Variants in GLIS3 observed in about 807,000 individuals in gnomAD.
GLIS3 encodes GLIS family zinc finger 3, also known as zinc finger protein GLIS3.
Under a neutral mutation model 78.6 loss-of-function variants are expected in GLIS3, and 53 were observed. The ratio of observed to expected loss-of-function variants is 0.67; its 90% CI spans 0.54 to 0.85. The LOEUF (loss-of-function observed/expected upper bound fraction) is 0.85. Ranked by LOEUF, GLIS3 falls within the 40% of genes least tolerant of loss-of-function variation. The pLI is 0.00. For missense variants in GLIS3, 1,703 were observed against 1,231.1 expected (o/e 1.38, Z -5.74); for synonymous variants, 684 against 509.9 (o/e 1.34, Z -4.60).
intron 2 of GLIS3, among the ~76,000 whole-genome samples, chr9:4,233,391 G>A (rs556750181): frequency 1.3e-5 from 2 of 152,202 alleles, no homozygotes; most frequent in African/African-American, 4.8e-5. Flanking sequence ...GGGATGTTGT[G>A]TTACCAATCA....
At chr9:4,354,097 A>G in the GLIS3 span, among the ~76,000 whole-genome samples, 4 of 151,866 alleles carry the variant, frequency 2.6e-5, no homozygotes, top group East Asian at 7.7e-4. Flanking sequence ...CAGCCTCCCA[A>G]AGCGCTGGGA....
intron 4 of GLIS3, among the ~76,000 whole-genome samples, chr9:3,942,923 G>A (rs1197776883): frequency 1.3e-5 from 2 of 151,586 alleles, no homozygotes; most frequent in Non-Finnish European, 2.9e-5. Context: ...AGAAAGGAAA[G>A]AACTAAACTG....
chr9:4,294,280 G>A (rs1816283806), intron 1 of GLIS3, among the ~76,000 whole-genome samples: 1 of 152,164 alleles, frequency 6.6e-6, no homozygotes. Context: ...AGGCCAAGGT[G>A]GGTGGATCAC....
At chr9:4,204,322 T>G (rs554416245) in intron 2 of GLIS3, among the ~76,000 whole-genome samples, 1 of 152,188 alleles carries the variant, frequency 6.6e-6, no homozygotes, top group Non-Finnish European at 1.5e-5. Context: ...ATATTTGGCT[T>G]TGGTTTTTGT....
At chr9:4,433,564 T>G in the GLIS3 span, among the ~76,000 whole-genome samples, 2 of 152,216 alleles carry the variant, frequency 1.3e-5, no homozygotes, top group African/African-American at 2.4e-5. Flanking sequence ...TGGACTCCGT[T>G]TTTTGCCAAC....
intron 4 of GLIS3, among the ~76,000 whole-genome samples, chr9:3,949,842 C>A (rs1375012121): frequency 6.6e-6 from 1 of 152,084 alleles, no homozygotes; most frequent in Non-Finnish European, 1.5e-5. Flanking sequence ...TGCTATTTTC[C>A]GTTGGTGGAT....
At chr9:4,128,440 C>G (rs909406919) in intron 2 of GLIS3, among the ~76,000 whole-genome samples, 1 of 152,182 alleles carries the variant, frequency 6.6e-6, no homozygotes, top group Non-Finnish European at 1.5e-5. Flanking sequence ...TAGCACCTAA[C>G]CTAGGGTCTA....
intron 2 of GLIS3, among the ~76,000 whole-genome samples, chr9:4,186,333 C>G (rs540200495): frequency 8.6e-5 from 13 of 151,836 alleles, no homozygotes; most frequent in Admixed American, 1.3e-4. Flanking sequence ...TGAACTCATC[C>G]TTTTTTATGG....
chr9:4,412,098 A>C, the GLIS3 span, among the ~76,000 whole-genome samples: 1 of 152,180 alleles, frequency 6.6e-6, no homozygotes, highest in Admixed American at 6.5e-5. Flanking sequence ...TGAGTTTCTG[A>C]AAATGTCTTG....
chr9:3,944,309 C>T (rs1001524159), intron 4 of GLIS3, among the ~76,000 whole-genome samples: 8 of 152,234 alleles, frequency 5.3e-5, no homozygotes, highest in Non-Finnish European at 8.8e-5. Flanking sequence ...TTGTAACAAT[C>T]GAAAGGTTCT....
chr9:3,865,363 C>T (rs183346633), intron 8 of GLIS3, among the ~76,000 whole-genome samples: 16 of 152,144 alleles, frequency 1.1e-4, no homozygotes, highest in Admixed American at 7.2e-4. Flanking sequence ...TTCTAGATCG[C>T]GCCTTTAAAA....
At chr9:4,467,784 G>T in the GLIS3 span, among the ~76,000 whole-genome samples, 1 of 152,182 alleles carries the variant, frequency 6.6e-6, no homozygotes, top group African/African-American at 2.4e-5. Flanking sequence ...GATGGAGAAC[G>T]ACTCTGACGA....
intron 2 of GLIS3, among the ~76,000 whole-genome samples, chr9:4,231,785 T>C (rs1822274732): frequency 6.6e-6 from 1 of 152,200 alleles, no homozygotes; most frequent in Non-Finnish European, 1.5e-5. Context: ...GATCAAAATT[T>C]TTACCAATGT....
At chr9:3,950,806 T>C (rs1816626570) in intron 4 of GLIS3, among the ~76,000 whole-genome samples, 1 of 152,200 alleles carries the variant, frequency 6.6e-6, no homozygotes, top group Non-Finnish European at 1.5e-5. Flanking sequence ...GACAAGTGAC[T>C]TGTTAAAAAT....
chr9:4,160,051 G>A (rs58942376), intron 2 of GLIS3, among the ~76,000 whole-genome samples: 36,844 of 152,034 alleles, frequency 0.24, 4,832 homozygotes, highest in South Asian at 0.36. Flanking sequence ...AACTTTTCCA[G>A]TGAACTTTAT....
At chr9:4,329,018 G>C (rs1041680063) in intron 2 of GLIS3, among the ~76,000 whole-genome samples, 7 of 152,192 alleles carry the variant, frequency 4.6e-5, no homozygotes, top group Admixed American at 2.6e-4. Flanking sequence ...AAAAGGCTTA[G>C]GATGATGAGT....
At chr9:4,148,369 C>T (rs1834390839) in intron 2 of GLIS3, among the ~76,000 whole-genome samples, 2 of 152,058 alleles carry the variant, frequency 1.3e-5, no homozygotes, top group African/African-American at 4.8e-5. Flanking sequence ...TCCCCACGTC[C>T]CCATACTCTC....
the GLIS3 span, among the ~76,000 whole-genome samples, chr9:4,451,634 T>C: frequency 6.6e-6 from 1 of 152,024 alleles, no homozygotes; most frequent in East Asian, 1.9e-4. Flanking sequence ...AATAACAAAA[T>C]CACGACAAAC....
chr9:4,355,994 A>G, the GLIS3 span, among the ~76,000 whole-genome samples: 402 of 152,354 alleles, frequency 2.6e-3, 1 homozygote, highest in Non-Finnish European at 4.8e-3. Context: ...TGTGTGTTCT[A>G]TGGTACAAAA....
Sources: gnomAD v4.1 joint callset for allele counts (sites outside exome capture counted in the v4.1 genomes callset) on GRCh38, gnomAD v4.1.1 for gene constraint, MANE v1.5 for transcripts, NCBI Gene and HGNC (gene_info 2026-07-23, HGNC 2026-07-21) for gene names.